The following CLNK variants were observed in gnomAD, a reference collection of about 807,000 sequenced individuals.
The protein encoded by CLNK is cytokine dependent hematopoietic cell linker.
CLNK carries 74 observed loss-of-function variants against 68.6 expected under a neutral mutation model. The observed-to-expected ratio is 1.08, with a 90% confidence interval of 0.89 to 1.31. The LOEUF (loss-of-function observed/expected upper bound fraction) is 1.31, where lower values mean the gene tolerates loss of function less well. Among genes scored for constraint, CLNK ranks in the 50% most tolerant of loss-of-function variants. The probability of loss-of-function intolerance (pLI) is 0.00; values close to 1 mark genes in which losing one functional copy is unlikely to be tolerated. For missense variants in CLNK, 553 were observed against 515.3 expected, an observed-to-expected ratio of 1.07 and a Z score of -0.71; for synonymous variants, 198 against 172.2, an observed-to-expected ratio of 1.15 and a Z score of -1.17.
intron 8 of CLNK, among the ~76,000 whole-genome samples, chr4:10,550,229 C>G (rs1577122825): frequency 6.6e-6 from 1 of 152,234 alleles, no homozygotes; most frequent in African/African-American, 2.4e-5. Flanking sequence ...CGCGGTGGCT[C>G]AAGCCTGTAA....
chr4:10,666,688 T>C (rs1724408130), intron 2 of CLNK, among the ~76,000 whole-genome samples: 1 of 152,186 alleles, frequency 6.6e-6, no homozygotes, highest in African/African-American at 2.4e-5. Flanking sequence ...AGGTCACAAC[T>C]CCTGGCAAAG....
chr4:10,623,136 C>T (rs973944185), intron 2 of CLNK, among the ~76,000 whole-genome samples: 4 of 152,206 alleles, frequency 2.6e-5, no homozygotes, highest in African/African-American at 9.7e-5. Context: ...AAAAAATCTG[C>T]ATTACCTACA....
chr4:10,685,631 G>T (rs1725243002), upstream of CLNK, among the ~76,000 whole-genome samples: 1 of 152,022 alleles, frequency 6.6e-6, no homozygotes, highest in Non-Finnish European at 1.5e-5. Context: ...TAAATTCAAA[G>T]GTAGAAGTTT....
intron 4 of CLNK, among the ~76,000 whole-genome samples, chr4:10,578,384 C>G (rs865893393): frequency 2.6e-5 from 4 of 152,076 alleles, no homozygotes; most frequent in South Asian, 2.1e-4. Flanking sequence ...AAGCTGGGAT[C>G]CCCTTCAGCT....
intron 2 of CLNK, among the ~76,000 whole-genome samples, chr4:10,630,203 CTGTT>C (rs780300846): frequency 5.3e-5 from 8 of 152,208 alleles, no homozygotes; most frequent in Admixed American, 1.3e-4. Context: ...GGCTTGTTGT[CTGTT>C]TGTTTATTCC....
chr4:10,631,885 G>C (rs903688297), intron 2 of CLNK, among the ~76,000 whole-genome samples: 5 of 152,100 alleles, frequency 3.3e-5, no homozygotes, highest in African/African-American at 1.2e-4. Context: ...TGGACAATTG[G>C]GTAAGGATTC....
At position 10,490,530 on chromosome 4, in the gene CLNK, G is replaced by C. The variant is rs763823627; in HGVS notation, c.1224C>G (p.Val408=). ...GAGTGAGGTGACACTGTTTCCTGTG[G>C]ACCCCAGTTTTATCTTTCCCATCAA... ...ILIDGKDKTG[V]HRKQCHLTQP... The change falls in exon 19 of 19, where the codon GTC becomes GTG. Residue 408 remains valine (V), a synonymous_variant. Coordinates refer to ENST00000226951, the MANE Select transcript of CLNK (RefSeq NM_052964.4). 2.5e-6 allele frequency: 4 copies of C among 1,610,640 alleles called. No homozygotes were observed. The highest frequency in any genetic ancestry group is 3.4e-6 in the Non-Finnish European group (4 of 1,178,400).
chr4:10,637,882 G>A (rs1057490971), intron 2 of CLNK, among the ~76,000 whole-genome samples: 5 of 151,928 alleles, frequency 3.3e-5, no homozygotes, highest in East Asian at 1.9e-4. Context: ...GATTACAGGC[G>A]TGAGCCATCA....
rs992010561 is a variant in CLNK, at chr4:10,546,614, A to G, written c.446-4334T>C. On this transcript the variant is annotated intron_variant, in intron 8 of 18. Coordinates refer to ENST00000226951, the MANE Select transcript of CLNK (RefSeq NM_052964.4). The stretch of plus-strand genomic sequence containing the variant: ...TCTTGTCTTCTAAGCTTTCGCCAGA[A>G]TTTAAACATTTTCTATCCTGCTCCT... Among the ~76,000 whole-genome samples the G allele has an allele frequency of 4.6e-5, 7 of 152,286 alleles. No homozygotes were observed. In the South Asian group the frequency reaches 8.3e-4, roughly 18 times the overall value.
At chr4:10,731,717 A>C in the CLNK span, among the ~76,000 whole-genome samples, 1 of 152,204 alleles carries the variant, frequency 6.6e-6, no homozygotes, top group African/African-American at 2.4e-5. Flanking sequence ...TGGTGTGCAA[A>C]ATGTGTCAAG....
At chr4:10,664,510 T>A (rs1161316450) in intron 2 of CLNK, among the ~76,000 whole-genome samples, 1 of 152,196 alleles carries the variant, frequency 6.6e-6, no homozygotes, top group Non-Finnish European at 1.5e-5. Context: ...CTCTGAGTCA[T>A]GCCTTGGCGA....
the CLNK span, chr4:10,692,050 TC>T: frequency 2.9e-4 from 44 of 151,584 alleles, no homozygotes; most frequent in Middle Eastern, 3.2e-3. Context: ...GTTTTTTTTT[TC>T]TTTTCTTTTC....
intron 8 of CLNK, among the ~76,000 whole-genome samples, chr4:10,554,739 G>GT (rs1424657445): frequency 1.3e-5 from 2 of 152,304 alleles, no homozygotes; most frequent in East Asian, 1.9e-4. Context: ...CCTCGGGCGT[G>GT]TTTTTTCTGC....
intron 1 of CLNK, among the ~76,000 whole-genome samples, chr4:10,680,620 T>A (rs2108903210): frequency 6.6e-6 from 1 of 152,308 alleles, no homozygotes; most frequent in East Asian, 1.9e-4. Flanking sequence ...AGAATGATGA[T>A]AATAGCCACT....
At chr4:10,544,951 C>T (rs1719169266) in intron 8 of CLNK, among the ~76,000 whole-genome samples, 1 of 152,052 alleles carries the variant, frequency 6.6e-6, no homozygotes, top group African/African-American at 2.4e-5. Context: ...CTCAATAACC[C>T]ATTAATTCAT....
intron 2 of CLNK, among the ~76,000 whole-genome samples, chr4:10,665,061 A>G (rs1560269318): frequency 6.6e-6 from 1 of 152,190 alleles, no homozygotes; most frequent in Non-Finnish European, 1.5e-5. Flanking sequence ...TTATTCTTCA[A>G]GGCAGGTTCC....
intron 2 of CLNK, among the ~76,000 whole-genome samples, chr4:10,665,487 A>C (rs1724357938): frequency 6.6e-6 from 1 of 152,052 alleles, no homozygotes; most frequent in Non-Finnish European, 1.5e-5. Flanking sequence ...AACATGGTGA[A>C]ACCCTGTCTC....
At chr4:10,677,513 C>T (rs1291271643) in intron 1 of CLNK, among the ~76,000 whole-genome samples, 1 of 152,016 alleles carries the variant, frequency 6.6e-6, no homozygotes, top group Non-Finnish European at 1.5e-5. Context: ...AATCTCATCT[C>T]GATTTGTAAT....
the CLNK span, among the ~76,000 whole-genome samples, chr4:10,695,147 G>T: frequency 6.6e-6 from 1 of 152,096 alleles, no homozygotes; most frequent in African/African-American, 2.4e-5. Flanking sequence ...GTAATGTATT[G>T]TATATTTCAA....
Sources: allele counts gnomAD v4.1 joint callset (sites outside exome capture counted in the v4.1 genomes callset), GRCh38; gene constraint gnomAD v4.1.1; transcripts MANE v1.5; gene names NCBI Gene and HGNC (gene_info 2026-07-23, HGNC 2026-07-21).